The following CNTNAP5 variants were observed in gnomAD, a reference collection of about 807,000 sequenced individuals.
The protein encoded by CNTNAP5 is contactin associated protein family member 5.
In CNTNAP5, 72 loss-of-function variants were observed where a neutral mutation model predicts 150.2. The ratio of observed to expected loss-of-function variants is 0.48; its 90% CI spans 0.40 to 0.58. The LOEUF is 0.58. Ranked by LOEUF, CNTNAP5 falls within the 20% of genes least tolerant of loss-of-function variation. CNTNAP5 has a pLI of 0.00. For missense variants in CNTNAP5, 1,636 were observed against 1,626.2 expected (o/e 1.01, Z -0.10); for synonymous variants, 672 against 619.8 (o/e 1.08, Z -1.25).
At chr2:124,634,041 A>G (rs531662850) in intron 12 of CNTNAP5, among the ~76,000 whole-genome samples, 1 of 152,298 alleles carries the variant, frequency 6.6e-6, no homozygotes, top group African/African-American at 2.4e-5. Flanking sequence ...AGAGGCTGCC[A>G]TGGAGGTCTC....
intron 17 of CNTNAP5, among the ~76,000 whole-genome samples, chr2:124,781,575 G>T (rs1044708544): frequency 1.3e-5 from 2 of 152,102 alleles, no homozygotes; most frequent in Non-Finnish European, 2.9e-5. Context: ...AGGTATCTGG[G>T]AGGACACCTG....
intron 1 of CNTNAP5, among the ~76,000 whole-genome samples, chr2:124,032,371 A>G (rs1681077855): frequency 6.6e-6 from 1 of 152,132 alleles, no homozygotes. Context: ...AAAGCTATGG[A>G]GATTCATTGA....
In CNTNAP5 at chr2:124,342,383, T is replaced by G. The variant is rs141069839; in HGVS notation, c.382-75060T>G. ...AGTTCTCAAACTATCTCCAAGTTCT[T>G]GGGTTTGTCAGAGAGTGACATTCTT... On this transcript the variant is annotated intron_variant, in intron 3 of 23. Coordinates refer to ENST00000682447, the MANE Select transcript of CNTNAP5 (RefSeq NM_001367498.1). Among the ~76,000 whole-genome samples, 19 of 152,282 alleles carry G rather than the reference T, an allele frequency of 1.2e-4. No homozygotes were observed. In the East Asian group the frequency reaches 3.5e-3, roughly 28 times the overall value.
At chr2:124,697,611 GAAA>G (rs5834084) in intron 13 of CNTNAP5, among the ~76,000 whole-genome samples, 3 of 128,410 alleles carry the variant, frequency 2.3e-5, no homozygotes, top group Non-Finnish European at 3.2e-5. Context: ...CCCTTAGTTT[GAAA>G]AAAAAAAAAA....
In CNTNAP5 at chr2:124,298,560, G is replaced by T. The variant is rs191094123; in HGVS notation, c.381+56167G>T. Among the ~76,000 whole-genome samples the T allele has an allele frequency of 1.3e-4, 20 of 152,302 alleles. No individual in the cohort carries two copies. In the East Asian group the frequency reaches 3.9e-3, roughly 29 times the overall value. ...CTGAAGACCTTCCTCTGGAGCCTCA[G>T]TAAATTTACTTAATCTAAATGGGTC... On this transcript the variant is annotated intron_variant, in intron 3 of 23. Transcript: ENST00000682447.
intron 10 of CNTNAP5, among the ~76,000 whole-genome samples, chr2:124,561,790 A>T (rs1329952986): frequency 6.6e-6 from 1 of 152,180 alleles, no homozygotes; most frequent in African/African-American, 2.4e-5. Context: ...TTTCCTACTT[A>T]TATAGGGCAG....
At chr2:124,527,168 T>C (rs1694987752) in intron 9 of CNTNAP5, 117 bp from the exon 10 acceptor site, 2 of 774,258 alleles carry the variant, frequency 2.6e-6, no homozygotes, top group Non-Finnish European at 4.2e-6. Context: ...GGGTGTGCAC[T>C]GCTGTGAATG....
At chr2:124,383,109 G>T (rs1690841327) in intron 3 of CNTNAP5, among the ~76,000 whole-genome samples, 1 of 152,064 alleles carries the variant, frequency 6.6e-6, no homozygotes, top group African/African-American at 2.4e-5. Flanking sequence ...CCTGTGCCAA[G>T]AATCACAATG....
At chr2:124,357,823 G>GT (rs1433671486) in intron 3 of CNTNAP5, among the ~76,000 whole-genome samples, 7 of 148,042 alleles carry the variant, frequency 4.7e-5, no homozygotes, top group Admixed American at 3.4e-4. Flanking sequence ...CTTTAAAGTA[G>GT]TTTTTTCCAA....
At chr2:124,373,761 A>C (rs1690583428) in intron 3 of CNTNAP5, among the ~76,000 whole-genome samples, 1 of 152,020 alleles carries the variant, frequency 6.6e-6, no homozygotes, top group Admixed American at 6.6e-5. Context: ...TGTACACAAA[A>C]ATTTCTGTAT....
chr2:124,513,324 A>G (rs1023689527), intron 8 of CNTNAP5, among the ~76,000 whole-genome samples: 5 of 152,214 alleles, frequency 3.3e-5, no homozygotes, highest in African/African-American at 1.2e-4. Flanking sequence ...TTATTTTACC[A>G]TAATTACCTT....
At chr2:124,261,433 A>C (rs1314814288) in intron 3 of CNTNAP5, among the ~76,000 whole-genome samples, 3 of 152,074 alleles carry the variant, frequency 2.0e-5, no homozygotes, top group Admixed American at 2.0e-4. Context: ...CCCAAAAGAG[A>C]GTGAGATTTG....
At chr2:124,688,732 C>G (rs1413687799) in intron 13 of CNTNAP5, among the ~76,000 whole-genome samples, 1 of 152,004 alleles carries the variant, frequency 6.6e-6, no homozygotes, top group Non-Finnish European at 1.5e-5. Flanking sequence ...ACCTTTTAAG[C>G]AATAATGTAT....
chr2:124,076,392 T>C (rs1171713090), intron 1 of CNTNAP5, among the ~76,000 whole-genome samples: 1 of 152,160 alleles, frequency 6.6e-6, no homozygotes, highest in African/African-American at 2.4e-5. Flanking sequence ...TCAAAGACTA[T>C]AGTCTATTAC....
chr2:124,702,580 T>C (rs1354789535), intron 13 of CNTNAP5, among the ~76,000 whole-genome samples: 1 of 151,750 alleles, frequency 6.6e-6, no homozygotes, highest in African/African-American at 2.4e-5. Flanking sequence ...GCCAATTCCA[T>C]GGCTGTTGAG....
intron 13 of CNTNAP5, among the ~76,000 whole-genome samples, chr2:124,653,737 T>C (rs1678369733): frequency 6.6e-6 from 1 of 152,222 alleles, no homozygotes; most frequent in African/African-American, 2.4e-5. Context: ...TTCTCAATAC[T>C]TGTACCACCC....
At chr2:124,597,031 GT>G (rs1696843264) in intron 11 of CNTNAP5, among the ~76,000 whole-genome samples, 1 of 127,458 alleles carries the variant, frequency 7.8e-6, no homozygotes, top group African/African-American at 2.8e-5. Context: ...GCCTATGTGT[GT>G]CTCTGTACGT....
At chr2:124,630,642 C>T (rs1447151289) in intron 12 of CNTNAP5, among the ~76,000 whole-genome samples, 1 of 152,164 alleles carries the variant, frequency 6.6e-6, no homozygotes, top group Non-Finnish European at 1.5e-5. Context: ...AAACTGGAAG[C>T]ATTCCCCTTA....
intron 3 of CNTNAP5, among the ~76,000 whole-genome samples, chr2:124,242,735 G>T (rs1433336206): frequency 6.6e-6 from 1 of 152,100 alleles, no homozygotes; most frequent in Non-Finnish European, 1.5e-5. Flanking sequence ...AATTTACTGA[G>T]TGTTTATTGA....
Sources: allele counts gnomAD v4.1 joint callset (sites outside exome capture counted in the v4.1 genomes callset), GRCh38; gene constraint gnomAD v4.1.1; transcripts MANE v1.5; gene names NCBI Gene and HGNC (gene_info 2026-07-23, HGNC 2026-07-21).